Variants in IL1RL2 observed in about 807,000 individuals in gnomAD.
IL1RL2 encodes interleukin-1 receptor-like 2.
A neutral mutation model predicts 66.8 loss-of-function variants in IL1RL2; 68 were observed. That is an observed-to-expected ratio of 1.02 (90% CI 0.84 to 1.25). The LOEUF is 1.25. IL1RL2 is among the 50% of genes most tolerant of loss of function. IL1RL2 has a pLI of 0.00. For synonymous variants in IL1RL2, 305 were observed against 264.6 expected (o/e 1.15, Z -1.48); for missense variants, 729 against 709.3 (o/e 1.03, Z -0.32).
At chr2:102,233,249 C>T (rs1691305909) in intron 10 of IL1RL2, 125 bp downstream of exon 10, 2 of 934,986 alleles carry the variant, frequency 2.1e-6, no homozygotes. Context: ...AGTCTATGAC[C>T]AGCGCCCCCT....
chr2:102,198,068 G>T (rs1687934801), intron 4 of IL1RL2, among the ~76,000 whole-genome samples: 1 of 152,164 alleles, frequency 6.6e-6, no homozygotes, highest in African/African-American at 2.4e-5. Context: ...TCCAGACAGA[G>T]ATATATGGCT....
chr2:102,187,985 T>C (rs925044319), intron 2 of IL1RL2, 60 bp downstream of exon 2: 10 of 1,516,662 alleles, frequency 6.6e-6, no homozygotes, highest in Non-Finnish European at 8.2e-6. Flanking sequence ...TCCTGGCCTG[T>C]CATTGGGAGC....
chr2:102,191,458 T>C (rs1232918735), intron 3 of IL1RL2, among the ~76,000 whole-genome samples: 1 of 152,222 alleles, frequency 6.6e-6, no homozygotes, highest in Non-Finnish European at 1.5e-5. Flanking sequence ...ATGCATTGCA[T>C]TTGGTTGCCA....
intron 2 of IL1RL2, 74 bp downstream of exon 2, chr2:102,187,999 C>T (rs959073330): frequency 9.0e-6 from 13 of 1,438,686 alleles, no homozygotes; most frequent in South Asian, 3.4e-5. Context: ...TGGGAGCCCC[C>T]GGGGATCGCG....
chr2:102,187,354 C>T, intron 1 of IL1RL2: 7 of 1,162,280 alleles, frequency 6.0e-6, no homozygotes, highest in South Asian at 1.7e-5. Context: ...TAGGCCTGCC[C>T]TGGCTGCTCC....
At chr2:102,239,154 C>T in intron 11 of IL1RL2, 38 bp from the exon 12 acceptor site, 1 of 1,600,190 alleles carries the variant, frequency 6.2e-7, no homozygotes, top group Non-Finnish European at 8.6e-7. Flanking sequence ...TCTCCCACCA[C>T]ATCAGAAAAG....
intron 6 of IL1RL2, among the ~76,000 whole-genome samples, 170 bp from the exon 7 acceptor site, chr2:102,218,783 T>A (rs3815517): frequency 0.28 from 42,652 of 152,042 alleles, 6,621 homozygotes; most frequent in East Asian, 0.38. Context: ...CCCCTTGTGG[T>A]CTCTCTCCAG....
rs1360506538 is a variant in IL1RL2, at chr2:102,239,530, TG to T, written c.*292del. ...CGGGGGAGGCATCCCCAAGTCATGGTGGGTGAGAGCTCGGAGCATCCCCATG... is the reference window on the plus strand; with the variant it reads ...CGGGGGAGGCATCCCCAAGTCATGGTGGTGAGAGCTCGGAGCATCCCCATG... On this transcript the variant is annotated 3_prime_UTR_variant, in exon 12 of 12. Transcript: ENST00000264257. The T allele has an allele frequency of 2.7e-6, 1 of 366,182 alleles. No homozygotes were observed. Among genetic ancestry groups the T allele is most frequent in the East Asian group, 5.0e-5 (1 of 20,044 alleles). 22.7% of individuals were successfully genotyped at this position (366,182 alleles called of 1,614,324 possible). A position where few individuals can be genotyped will look rare whatever the true frequency, so the allele number is the denominator to read the frequency against.
intron 8 of IL1RL2, among the ~76,000 whole-genome samples, chr2:102,222,275 G>T (rs1051784619): frequency 3.3e-5 from 5 of 152,080 alleles, no homozygotes; most frequent in Non-Finnish European, 7.4e-5. Context: ...TATCCACTGG[G>T]CTATAAATAT....
chr2:102,187,579 C>T (rs764147520), intron 1 of IL1RL2, among the ~76,000 whole-genome samples: 4 of 152,148 alleles, frequency 2.6e-5, no homozygotes, highest in Non-Finnish European at 4.4e-5. Flanking sequence ...GCAGCTCCCA[C>T]GCGGTCCCCA....
At chr2:102,200,117 C>CAAAAAA (rs35208716) in intron 4 of IL1RL2, among the ~76,000 whole-genome samples, 3 of 95,128 alleles carry the variant, frequency 3.2e-5, no homozygotes, top group African/African-American at 7.9e-5. Context: ...CCTGTTCCAG[C>CAAAAAA]AAAAAAAAAA....
chr2:102,187,149 G>A (rs1033637670), intron 1 of IL1RL2, 63 bp downstream of exon 1: 8 of 1,276,100 alleles, frequency 6.3e-6, no homozygotes, highest in Admixed American at 2.3e-5. Context: ...AGTAGGAGAG[G>A]TGTGCAGGAA....
At chr2:102,212,649 C>T (rs1689271518) in intron 6 of IL1RL2, among the ~76,000 whole-genome samples, 1 of 152,040 alleles carries the variant, frequency 6.6e-6, no homozygotes, top group Non-Finnish European at 1.5e-5. Context: ...GATAAAAAGG[C>T]ATCAAATTAC....
Position 102,233,126 on chromosome 2 carries a change from T to A in IL1RL2, c.1297+2T>A. The A allele has an allele frequency of 6.2e-7, 1 of 1,609,538 alleles. No individual in the cohort carries two copies. On this transcript the variant is annotated splice_donor_variant, in intron 10 of 11. Coordinates refer to ENST00000264257, the MANE Select transcript of IL1RL2 (RefSeq NM_003854.4). LOFTEE classifies it high-confidence loss of function. ...GCAGAGATGAATTCCCTGGACAAGG[T>A]GGGTTTTAAGTGAGGTGTAAAAATA...
At position 102,237,948 on chromosome 2, in the gene IL1RL2, G is replaced by A. The variant is rs141400202; in HGVS notation, c.1679-1244G>A. Among the ~76,000 whole-genome samples, 26 of 152,314 alleles carry A rather than the reference G, an allele frequency of 1.7e-4. No individual in the cohort carries two copies. The East Asian group carries it at 1.7e-3, about 10-fold the overall frequency. Reference sequence around the variant, plus strand: ...AATGGGGTCCTATCCCTAGCCCTTGGGGGTGGGCTCCAGAATTCTACTCCA... The same window carrying A: ...AATGGGGTCCTATCCCTAGCCCTTGAGGGTGGGCTCCAGAATTCTACTCCA... On this transcript the variant is annotated intron_variant, in intron 11 of 11. Transcript: ENST00000264257.
At chr2:102,193,345 G>A (rs987929595) in intron 4 of IL1RL2, among the ~76,000 whole-genome samples, 7 of 152,174 alleles carry the variant, frequency 4.6e-5, no homozygotes, top group African/African-American at 1.7e-4. Flanking sequence ...CAACTTTGTT[G>A]ATGTTACACA....
chr2:102,205,328 G>A (rs1688615657), intron 5 of IL1RL2, among the ~76,000 whole-genome samples: 1 of 152,068 alleles, frequency 6.6e-6, no homozygotes, highest in Non-Finnish European at 1.5e-5. Flanking sequence ...GTGTTTTTCT[G>A]TGTACTTATT....
At chr2:102,215,184 G>A (rs1689499044) in intron 6 of IL1RL2, among the ~76,000 whole-genome samples, 1 of 152,184 alleles carries the variant, frequency 6.6e-6, no homozygotes, top group Non-Finnish European at 1.5e-5. Flanking sequence ...GCAGCCTGGA[G>A]TTCTCATGGC....
intron 4 of IL1RL2, among the ~76,000 whole-genome samples, chr2:102,193,544 A>G (rs186755017): frequency 3.2e-4 from 48 of 152,260 alleles, no homozygotes; most frequent in African/African-American, 1.1e-3. Context: ...GTGTGACAGA[A>G]TCTTGCTATG....
Sources: allele counts gnomAD v4.1 joint callset (sites outside exome capture counted in the v4.1 genomes callset), GRCh38; gene constraint gnomAD v4.1.1; transcripts MANE v1.5; gene names NCBI Gene and HGNC (gene_info 2026-07-23, HGNC 2026-07-21).